The following CHRM5 variants were observed in gnomAD, a reference collection of about 807,000 sequenced individuals.
CHRM5 encodes cholinergic receptor muscarinic 5.
In CHRM5, 18 loss-of-function variants were observed where a neutral mutation model predicts 39.0. The observed-to-expected ratio is 0.46, with a 90% CI of 0.32 to 0.68. CHRM5 has a LOEUF of 0.68. Ranked by LOEUF, CHRM5 falls within the 30% of genes least tolerant of loss-of-function variation. The pLI, the probability that CHRM5 is intolerant of heterozygous loss-of-function variation, is 0.04. For missense variants in CHRM5, 515 were observed against 651.1 expected, an observed-to-expected ratio of 0.79 and a Z score of 2.28; for synonymous variants, 241 against 246.3, an observed-to-expected ratio of 0.98 and a Z score of 0.20.
chr15:34,019,635 T>C (rs1339726546), intron 1 of CHRM5, among the ~76,000 whole-genome samples: 1 of 152,214 alleles, frequency 6.6e-6, no homozygotes, highest in Non-Finnish European at 1.5e-5. Flanking sequence ...TACACAGTAA[T>C]TTTACTGTAC....
At chr15:34,001,015 T>C (rs1451185266) in intron 1 of CHRM5, among the ~76,000 whole-genome samples, 3 of 143,288 alleles carry the variant, frequency 2.1e-5, no homozygotes, top group Admixed American at 2.1e-4. Context: ...TAGGTTGGAC[T>C]AGAATTTTTT....
intron 1 of CHRM5, among the ~76,000 whole-genome samples, chr15:33,981,475 CTTT>C (rs1896141869): frequency 6.6e-6 from 1 of 152,086 alleles, no homozygotes; most frequent in Non-Finnish European, 1.5e-5. Context: ...AAGCTTTCTT[CTTT>C]TAACAGATAC....
intron 1 of CHRM5, among the ~76,000 whole-genome samples, chr15:33,992,957 T>C (rs1896791511): frequency 6.6e-6 from 1 of 152,254 alleles, no homozygotes; most frequent in Non-Finnish European, 1.5e-5. Flanking sequence ...AACTGCAGTC[T>C]GGTTATTTCG....
intron 1 of CHRM5, among the ~76,000 whole-genome samples, chr15:34,034,878 G>C (rs1279314345): frequency 6.6e-6 from 1 of 152,164 alleles, no homozygotes; most frequent in Non-Finnish European, 1.5e-5. Context: ...ATTTGCTTCA[G>C]GCTTTCTGGA....
At chr15:34,020,087 G>A (rs1898135973) in intron 1 of CHRM5, among the ~76,000 whole-genome samples, 1 of 152,126 alleles carries the variant, frequency 6.6e-6, no homozygotes, top group African/African-American at 2.4e-5. Flanking sequence ...CAAGGTGGGT[G>A]GATCACAAGG....
At chr15:34,038,667 G>A (rs1485193370) in intron 1 of CHRM5, 26 of 1,019,780 alleles carry the variant, frequency 2.5e-5, no homozygotes, top group South Asian at 1.9e-4. Flanking sequence ...CGCCGGCGCC[G>A]CCGCCCGTCT....
intron 2 of CHRM5, among the ~76,000 whole-genome samples, chr15:34,057,303 A>AT (rs59628367): frequency 0.063 from 9,334 of 147,246 alleles, 675 homozygotes; most frequent in African/African-American, 0.17. Context: ...CGCCCAGCTA[A>AT]TTTTTTTTTT....
At chr15:34,001,985 C>T (rs1358714930) in intron 1 of CHRM5, among the ~76,000 whole-genome samples, 1 of 152,106 alleles carries the variant, frequency 6.6e-6, no homozygotes, top group East Asian at 1.9e-4. Flanking sequence ...TTTAACCTGG[C>T]AATAATTATT....
intron 1 of CHRM5, among the ~76,000 whole-genome samples, chr15:34,028,363 G>A (rs1458524197): frequency 1.3e-5 from 2 of 152,076 alleles, no homozygotes; most frequent in African/African-American, 4.8e-5. Context: ...CCAGGAGTTC[G>A]AGAGCAGCCT....
intron 1 of CHRM5, among the ~76,000 whole-genome samples, chr15:33,986,201 G>T (rs1169615351): frequency 6.6e-6 from 1 of 151,842 alleles, no homozygotes; most frequent in African/African-American, 2.4e-5. Flanking sequence ...CTGCCTCCCG[G>T]GTTCACGCCA....
At chr15:33,987,240 T>C (rs189603847) in intron 1 of CHRM5, among the ~76,000 whole-genome samples, 1 of 152,236 alleles carries the variant, frequency 6.6e-6, no homozygotes, top group African/African-American at 2.4e-5. Flanking sequence ...GTATCCCATA[T>C]GTGCTTTATT....
intron 1 of CHRM5, among the ~76,000 whole-genome samples, chr15:34,022,091 C>T (rs2140720126): frequency 6.6e-6 from 1 of 152,346 alleles, no homozygotes; most frequent in South Asian, 2.1e-4. Context: ...TTAAAACCTA[C>T]TCCTGCCACA....
At chr15:33,997,941 T>C (rs1897003024) in intron 1 of CHRM5, among the ~76,000 whole-genome samples, 1 of 152,176 alleles carries the variant, frequency 6.6e-6, no homozygotes, top group South Asian at 2.1e-4. Flanking sequence ...CCAACATCTA[T>C]ACCACATTTT....
intron 1 of CHRM5, among the ~76,000 whole-genome samples, chr15:34,010,152 G>A (rs930040957): frequency 2.0e-5 from 3 of 152,042 alleles, no homozygotes; most frequent in African/African-American, 7.2e-5. Context: ...GGAACCATAT[G>A]CTTAACAGAA....
At chr15:34,036,467 C>T (rs999980351) in intron 1 of CHRM5, among the ~76,000 whole-genome samples, 1 of 152,110 alleles carries the variant, frequency 6.6e-6, no homozygotes, top group Non-Finnish European at 1.5e-5. Context: ...GTTACTCTCT[C>T]CTTGGGGCAC....
intron 1 of CHRM5, among the ~76,000 whole-genome samples, chr15:34,008,967 CACACACACAG>C: frequency 6.6e-6 from 1 of 151,930 alleles, no homozygotes; most frequent in South Asian, 2.1e-4. Context: ...CACACACACA[CACACACACAG>C]ACCATCGAGA....
chr15:34,011,861 C>G (rs1428032103), intron 1 of CHRM5, among the ~76,000 whole-genome samples: 1 of 152,174 alleles, frequency 6.6e-6, no homozygotes, highest in African/African-American at 2.4e-5. Context: ...AAGTCAAGAC[C>G]TTGCGAGTTC....
chr15:34,004,190 A>G lies in CHRM5; in HGVS notation c.-408+35040A>G, dbSNP rs1897243509. Among the ~76,000 whole-genome samples, 3 of 152,242 alleles carry G rather than the reference A, an allele frequency of 2.0e-5. No individual in the cohort carries two copies. The South Asian group carries it at 6.2e-4, about 31-fold the overall frequency. ...TTCAATAGAAAAGCTTGGGTATAAA[A>G]AAGTTCCCTGTATTACAACTGACTA... On this transcript the variant is annotated intron_variant, in intron 1 of 2. Transcript: ENST00000383263.
At chr15:34,041,718 T>C (rs1049705069) in intron 1 of CHRM5, among the ~76,000 whole-genome samples, 2 of 152,254 alleles carry the variant, frequency 1.3e-5, no homozygotes, top group African/African-American at 4.8e-5. Context: ...ACTTTCCACG[T>C]ACTAACTCAT....
Sources: gnomAD v4.1 joint callset for allele counts (sites outside exome capture counted in the v4.1 genomes callset) on GRCh38, gnomAD v4.1.1 for gene constraint, MANE v1.5 for transcripts, NCBI Gene and HGNC (gene_info 2026-07-23, HGNC 2026-07-21) for gene names.